GSK3B: variants seen among roughly 807,000 people sequenced by gnomAD.
The protein encoded by GSK3B is glycogen synthase kinase-3 beta.
GSK3B carries 15 observed loss-of-function variants against 56.4 expected under a neutral mutation model. That is an observed-to-expected ratio of 0.27 (90% CI 0.18 to 0.41). The LOEUF (loss-of-function observed/expected upper bound fraction) is 0.41. Ranked by LOEUF, GSK3B falls within the 10% of genes least tolerant of loss-of-function variation. GSK3B has a pLI of 1.00. For missense variants in GSK3B, 300 were observed against 513.4 expected, an observed-to-expected ratio of 0.58 and a Z score of 4.02; for synonymous variants, 181 against 188.9, an observed-to-expected ratio of 0.96 and a Z score of 0.34.
intron 2 of GSK3B, among the ~76,000 whole-genome samples, chr3:119,981,062 C>T (rs1293939687): frequency 1.3e-5 from 2 of 152,218 alleles, no homozygotes; most frequent in African/African-American, 2.4e-5. Flanking sequence ...AGCTGGACAA[C>T]TGGCCTGCTT....
At chr3:120,008,661 G>A (rs546707012) in intron 1 of GSK3B, among the ~76,000 whole-genome samples, 89 of 152,226 alleles carry the variant, frequency 5.8e-4, no homozygotes, top group African/African-American at 2.1e-3. Context: ...GCCATGTGCA[G>A]AAAACTAAAC....
chr3:119,837,552 G>C (rs918606489), intron 10 of GSK3B, among the ~76,000 whole-genome samples: 1 of 152,068 alleles, frequency 6.6e-6, no homozygotes, highest in Non-Finnish European at 1.5e-5. Flanking sequence ...CCATGGGATA[G>C]ATGACCACTT....
intron 3 of GSK3B, 135 bp from the exon 4 acceptor site, chr3:119,923,618 TA>T (rs2056864744): frequency 4.4e-6 from 2 of 454,714 alleles, no homozygotes; most frequent in Non-Finnish European, 7.7e-6. Context: ...TTTAATTATA[TA>T]AAATTACTTC....
chr3:119,923,083 G>C (rs2056859049), intron 4 of GSK3B, among the ~76,000 whole-genome samples: 1 of 152,154 alleles, frequency 6.6e-6, no homozygotes, highest in African/African-American at 2.4e-5. Context: ...GATATCAGAA[G>C]TTAAATTAAA....
intron 8 of GSK3B, among the ~76,000 whole-genome samples, chr3:119,870,123 A>G (rs1281989369): frequency 5.3e-5 from 8 of 152,136 alleles, no homozygotes; most frequent in Non-Finnish European, 1.0e-4. Context: ...CCTCCCCTTC[A>G]ACATCCCACC....
At chr3:120,014,163 A>AAAC (rs923661172) in intron 1 of GSK3B, among the ~76,000 whole-genome samples, 2 of 151,238 alleles carry the variant, frequency 1.3e-5, no homozygotes, top group Non-Finnish European at 2.9e-5. Flanking sequence ...AAAACAAAAC[A>AAAC]AACAACAACA....
At chr3:119,987,827 G>A (rs2057530606) in intron 2 of GSK3B, among the ~76,000 whole-genome samples, 1 of 152,008 alleles carries the variant, frequency 6.6e-6, no homozygotes, top group Non-Finnish European at 1.5e-5. Context: ...AATATAAAAC[G>A]GTATTTGGCT....
At chr3:119,934,544 G>C (rs975879227) in intron 3 of GSK3B, among the ~76,000 whole-genome samples, 10 of 152,326 alleles carry the variant, frequency 6.6e-5, no homozygotes, top group African/African-American at 2.4e-4. Context: ...GATCCTCAAT[G>C]TGGTATTCTT....
intron 9 of GSK3B, among the ~76,000 whole-genome samples, chr3:119,860,212 A>G (rs942925705): frequency 6.6e-6 from 1 of 152,216 alleles, no homozygotes; most frequent in African/African-American, 2.4e-5. Flanking sequence ...AAATTAGTTC[A>G]TAAGAAAATA....
At chr3:119,903,958 A>C (rs1055570369) in intron 7 of GSK3B, among the ~76,000 whole-genome samples, 34 of 152,176 alleles carry the variant, frequency 2.2e-4, no homozygotes, top group Non-Finnish European at 1.2e-4. Flanking sequence ...CCCATAAGCT[A>C]AGAATTAACA....
intron 1 of GSK3B, among the ~76,000 whole-genome samples, chr3:120,012,114 T>A (rs889043577): frequency 6.6e-6 from 1 of 152,214 alleles, no homozygotes; most frequent in Non-Finnish European, 1.5e-5. Flanking sequence ...AATATCAACA[T>A]CTATTCCCAG....
intron 1 of GSK3B, among the ~76,000 whole-genome samples, chr3:120,023,778 A>C (rs2057899787): frequency 6.6e-6 from 1 of 152,174 alleles, no homozygotes; most frequent in South Asian, 2.1e-4. Context: ...GAAAAGATGA[A>C]GAAATGGTCA....
intron 6 of GSK3B, among the ~76,000 whole-genome samples, chr3:119,906,330 T>C (rs1192701084): frequency 6.6e-6 from 1 of 152,082 alleles, no homozygotes; most frequent in East Asian, 1.9e-4. Context: ...TTGATTTTTA[T>C]GTTCTACGAT....
chr3:120,042,886 A>T (rs77509559), intron 1 of GSK3B, among the ~76,000 whole-genome samples: 3,942 of 152,308 alleles, frequency 0.026, 175 homozygotes, highest in African/African-American at 0.089. Flanking sequence ...AATTGCCCTG[A>T]TGAAAATCCA....
chr3:119,837,848 AG>A (rs2055714806), intron 10 of GSK3B, among the ~76,000 whole-genome samples: 1 of 148,802 alleles, frequency 6.7e-6, no homozygotes. Flanking sequence ...GGGTGTACAA[AG>A]AAAATAAGAC....
intron 1 of GSK3B, among the ~76,000 whole-genome samples, chr3:120,017,661 G>A (rs1162231331): frequency 6.6e-6 from 1 of 152,138 alleles, no homozygotes; most frequent in African/African-American, 2.4e-5. Context: ...GGAGGAGAGA[G>A]GACAGGATTT....
intron 1 of GSK3B, chr3:120,029,720 T>TC: frequency 1.9e-6 from 1 of 538,962 alleles, no homozygotes; most frequent in African/African-American, 1.9e-5. Context: ...AATTTTTTTA[T>TC]CATGCAGTGC....
At chr3:119,957,462 T>C (rs1319517662) in intron 2 of GSK3B, among the ~76,000 whole-genome samples, 2 of 152,210 alleles carry the variant, frequency 1.3e-5, no homozygotes, top group African/African-American at 4.8e-5. Flanking sequence ...CTAAAGTAGA[T>C]ATAAACCAGG....
At chr3:120,063,990 A>G (rs1206223298) in intron 1 of GSK3B, among the ~76,000 whole-genome samples, 1 of 152,178 alleles carries the variant, frequency 6.6e-6, no homozygotes, top group African/African-American at 2.4e-5. Flanking sequence ...CTGTCTCAAA[A>G]AAAATTAAAT....
Sources: gnomAD v4.1 joint callset for allele counts (sites outside exome capture counted in the v4.1 genomes callset) on GRCh38, gnomAD v4.1.1 for gene constraint, MANE v1.5 for transcripts, NCBI Gene and HGNC (gene_info 2026-07-23, HGNC 2026-07-21) for gene names.